The following PIP5K1B variants were observed in gnomAD, a reference collection of about 807,000 sequenced individuals.
The protein encoded by PIP5K1B is phosphatidylinositol 4-phosphate 5-kinase type-1 beta.
A neutral mutation model predicts 67.0 loss-of-function variants in PIP5K1B; 42 were observed. That is an observed-to-expected ratio of 0.63 (90% CI 0.49 to 0.81). The LOEUF (loss-of-function observed/expected upper bound fraction) is 0.81. PIP5K1B is among the 30% of genes least tolerant of loss of function. PIP5K1B has a pLI of 0.00. For synonymous variants in PIP5K1B, 214 were observed against 231.4 expected (o/e 0.92, Z 0.68); for missense variants, 459 against 646.3 (o/e 0.71, Z 3.14).
At chr9:68,803,427 C>T (rs1832710028) in intron 2 of PIP5K1B, among the ~76,000 whole-genome samples, 1 of 152,120 alleles carries the variant, frequency 6.6e-6, no homozygotes, top group Non-Finnish European at 1.5e-5. Flanking sequence ...GGAACAGGAA[C>T]ATTTAAGAAA....
intron 1 of PIP5K1B, chr9:68,707,723 C>G (rs992232693): frequency 1.3e-4 from 20 of 152,154 alleles, no homozygotes; most frequent in African/African-American, 3.9e-4. Flanking sequence ...TTTGTGTATT[C>G]TGCCATCATT....
intron 14 of PIP5K1B, among the ~76,000 whole-genome samples, chr9:68,990,844 A>C (rs1970938): frequency 0.031 from 4,658 of 151,772 alleles, 288 homozygotes; most frequent in East Asian, 0.2. Context: ...TTGTATTTTT[A>C]GTAGAGACGG....
intron 15 of PIP5K1B, among the ~76,000 whole-genome samples, chr9:68,992,153 C>T (rs943584503): frequency 1.8e-4 from 27 of 149,892 alleles, no homozygotes; most frequent in African/African-American, 4.9e-4. Flanking sequence ...TTAGTAGAGA[C>T]GGGGTTTCCA....
chr9:68,780,256 G>T (rs1831176970), intron 2 of PIP5K1B: 3 of 1,551,460 alleles, frequency 1.9e-6, no homozygotes, highest in East Asian at 2.3e-5. Context: ...GGCGGCGGGG[G>T]CCTCAGGAGG....
At chr9:68,920,296 A>G (rs995908688) in intron 11 of PIP5K1B, among the ~76,000 whole-genome samples, 1 of 152,000 alleles carries the variant, frequency 6.6e-6, no homozygotes, top group Admixed American at 6.6e-5. Flanking sequence ...GAGAAAGTGA[A>G]AACTTTTTAA....
At position 68,709,492 on chromosome 9, in the gene PIP5K1B, C is replaced by T. The variant is rs115051787; in HGVS notation, c.-243+3730C>T. 7.0e-3 allele frequency among the ~76,000 whole-genome samples: 1,066 copies of T among 152,302 alleles called. 12 individuals carry two copies. The highest frequency in any genetic ancestry group is 0.025 in the African/African-American group (1,029 of 41,566). ...AAGCAATCCACAGGCATCGGCTTCC[C>T]ACAGTGCTGGGATTACAGGTGTGAG... On this transcript the variant is annotated intron_variant, in intron 1 of 15. Transcript: ENST00000265382.
At chr9:68,780,284 G>T (rs373826679) in intron 2 of PIP5K1B, 204 of 1,588,596 alleles carry the variant, frequency 1.3e-4, no homozygotes, top group Non-Finnish European at 1.7e-4. Flanking sequence ...GCGCCCCCCT[G>T]ATCCACGGCC....
At position 68,858,135 on chromosome 9, in the gene PIP5K1B, G is replaced by A. The variant is rs143507369; in HGVS notation, c.70-5702G>A. On this transcript the variant is annotated intron_variant, in intron 4 of 15. Coordinates refer to ENST00000265382, the MANE Select transcript of PIP5K1B (RefSeq NM_003558.4). ...ATTACAGGTATGCGCCACCATGCCC[G>A]GCTAATTTTTGTATTTTTAGTAGAG... Among the ~76,000 whole-genome samples, 647 of 152,016 alleles carry A rather than the reference G, an allele frequency of 4.3e-3. 1 individual carries two copies. Among genetic ancestry groups the A allele is most frequent in the Non-Finnish European group, 6.8e-3 (459 of 67,960 alleles).
intron 7 of PIP5K1B, among the ~76,000 whole-genome samples, chr9:68,889,775 C>A (rs1824683305): frequency 6.8e-6 from 1 of 147,108 alleles, no homozygotes; most frequent in African/African-American, 2.5e-5. Context: ...ACTTATCTTA[C>A]ATAGTTGTTG....
chr9:68,713,571 G>C (rs1236316046), intron 1 of PIP5K1B, among the ~76,000 whole-genome samples: 1 of 152,212 alleles, frequency 6.6e-6, no homozygotes, highest in Admixed American at 6.5e-5. Context: ...GATGTGTTGA[G>C]GGAGTGCTAT....
chr9:68,837,097 C>T (rs1339448282), intron 4 of PIP5K1B, among the ~76,000 whole-genome samples: 1 of 152,222 alleles, frequency 6.6e-6, no homozygotes, highest in Admixed American at 6.5e-5. Flanking sequence ...TGGCCTGGAA[C>T]AGTATCTTTG....
At chr9:68,781,530 T>A (rs1831277853) in intron 2 of PIP5K1B, 1 of 167,180 alleles carries the variant, frequency 6.0e-6, no homozygotes, top group African/African-American at 2.4e-5. Flanking sequence ...AGTGGTTGTC[T>A]GTTTTACCCA....
intron 4 of PIP5K1B, among the ~76,000 whole-genome samples, chr9:68,844,640 G>A (rs1451916719): frequency 6.6e-6 from 1 of 152,040 alleles, no homozygotes; most frequent in Non-Finnish European, 1.5e-5. Flanking sequence ...AGAGCCAAAG[G>A]TGTTTGTTGG....
At chr9:68,830,478 A>C (rs1564168414) in intron 4 of PIP5K1B, among the ~76,000 whole-genome samples, 1 of 152,198 alleles carries the variant, frequency 6.6e-6, no homozygotes, top group Non-Finnish European at 1.5e-5. Flanking sequence ...TGAATGGTTC[A>C]TTCTGAAGTG....
At chr9:68,998,854 T>C (rs560823514) in intron 15 of PIP5K1B, among the ~76,000 whole-genome samples, 1 of 152,296 alleles carries the variant, frequency 6.6e-6, no homozygotes, top group South Asian at 2.1e-4. Context: ...CCAAGTGTGA[T>C]GAATGGCACG....
chr9:68,753,601 T>C (rs949578014), intron 2 of PIP5K1B, among the ~76,000 whole-genome samples: 1 of 125,282 alleles, frequency 8.0e-6, no homozygotes, highest in African/African-American at 3.0e-5. Flanking sequence ...CTCAGCTCAC[T>C]GCAAGCTCCA....
chr9:68,777,022 C>T (rs1471695249), intron 2 of PIP5K1B, among the ~76,000 whole-genome samples: 1 of 152,174 alleles, frequency 6.6e-6, no homozygotes, highest in African/African-American at 2.4e-5. Context: ...CCTAGGGCTT[C>T]AGTTTCTTAG....
chr9:68,971,106 C>T (rs1395805466), intron 14 of PIP5K1B, among the ~76,000 whole-genome samples: 1 of 152,166 alleles, frequency 6.6e-6, no homozygotes, highest in Non-Finnish European at 1.5e-5. Context: ...CACCCCTCAA[C>T]CCGTCATCTC....
At chr9:68,744,672 A>G (rs939479302) in intron 2 of PIP5K1B, among the ~76,000 whole-genome samples, 2 of 152,094 alleles carry the variant, frequency 1.3e-5, no homozygotes, top group Non-Finnish European at 2.9e-5. Context: ...GAAAGCTTTT[A>G]CTAGGCAGGC....
Sources: allele counts gnomAD v4.1 joint callset (sites outside exome capture counted in the v4.1 genomes callset), GRCh38; gene constraint gnomAD v4.1.1; transcripts MANE v1.5; gene names NCBI Gene and HGNC (gene_info 2026-07-23, HGNC 2026-07-21).